CD86: variants seen among roughly 807,000 people sequenced by gnomAD.
CD86 encodes CD86 molecule, also known as T-lymphocyte activation antigen CD86.
In CD86, 11 loss-of-function variants were observed where a neutral mutation model predicts 32.1. The ratio of observed to expected loss-of-function variants is 0.34; its 90% CI spans 0.22 to 0.57. The LOEUF (loss-of-function observed/expected upper bound fraction) is 0.57. Ranked by LOEUF, CD86 falls within the 20% of genes least tolerant of loss-of-function variation. The pLI, the probability that CD86 is intolerant of heterozygous loss-of-function variation, is 0.86. For missense variants in CD86, 359 were observed against 398.4 expected (o/e 0.90, Z 0.84); for synonymous variants, 137 against 135.3 (o/e 1.01, Z -0.09).
Position 122,109,645 on chromosome 3 carries a change from T to C in CD86, c.847+237T>C, listed in dbSNP as rs540580448. On this transcript the variant is annotated intron_variant, in intron 5 of 6. Coordinates refer to ENST00000330540, the MANE Select transcript of CD86 (RefSeq NM_175862.5). ...AACCTCTGGTTTACAAATGTACTTC[T>C]GGTTTCCAGGGAAAACTGATTATTA... is the stretch of plus-strand genomic sequence containing the variant. Among the ~76,000 whole-genome samples the C allele has an allele frequency of 1.9e-4, 29 of 152,384 alleles. No homozygotes were observed. The East Asian group carries it at 1.9e-3, about 10-fold the overall frequency.
chr3:122,093,146 ATTTATTTAT>A (rs1559906947), intron 2 of CD86, among the ~76,000 whole-genome samples: 1 of 151,928 alleles, frequency 6.6e-6, no homozygotes, highest in African/African-American at 2.4e-5. Context: ...CCCACTTCTT[ATTTATTTAT>A]TTTATTTATT....
intron 1 of CD86, among the ~76,000 whole-genome samples, chr3:122,078,799 T>A (rs2072589681): frequency 6.6e-6 from 1 of 152,252 alleles, no homozygotes; most frequent in African/African-American, 2.4e-5. Flanking sequence ...GGGAACTTCC[T>A]ACTCCCCTTA....
chr3:122,086,602 C>A (rs1168351910), intron 1 of CD86: 1 of 481,376 alleles, frequency 2.1e-6, no homozygotes, highest in South Asian at 1.5e-5. Flanking sequence ...CGCTGGGAAG[C>A]TGGTGCCTGT....
chr3:122,063,908 T>C (rs188340522), intron 1 of CD86, among the ~76,000 whole-genome samples: 5 of 152,298 alleles, frequency 3.3e-5, no homozygotes, highest in Admixed American at 6.5e-5. Flanking sequence ...GGTGTTTTAA[T>C]TGAGAATATA....
chr3:122,108,656 G>A (rs148799928), intron 4 of CD86, among the ~76,000 whole-genome samples: 3 of 152,166 alleles, frequency 2.0e-5, no homozygotes, highest in South Asian at 2.1e-4. Flanking sequence ...AGGCGTGAAG[G>A]TTCCTCAAGG....
At chr3:122,108,282 G>C (rs1296364928) in intron 4 of CD86, among the ~76,000 whole-genome samples, 2 of 152,216 alleles carry the variant, frequency 1.3e-5, no homozygotes, top group African/African-American at 4.8e-5. Context: ...CCTGAGTCAA[G>C]GGGCCTTTTT....
intron 2 of CD86, among the ~76,000 whole-genome samples, chr3:122,093,554 T>C (rs1198905695): frequency 1.3e-5 from 2 of 152,186 alleles, no homozygotes; most frequent in African/African-American, 4.8e-5. Context: ...ATACTGTAGG[T>C]GTTGTAACAC....
intron 1 of CD86, among the ~76,000 whole-genome samples, chr3:122,075,550 C>T (rs899484724): frequency 6.6e-6 from 1 of 152,074 alleles, no homozygotes; most frequent in African/African-American, 2.4e-5. Context: ...AGTGAATTTC[C>T]CAACCTGACA....
chr3:122,118,530 C>T (rs2681400), intron 6 of CD86, among the ~76,000 whole-genome samples: 42,355 of 152,092 alleles, frequency 0.28, 6,447 homozygotes, highest in East Asian at 0.59. Flanking sequence ...TGTTCTTCTG[C>T]CACTTCTTTA....
chr3:122,111,041 G>T (rs1402566480), intron 5 of CD86, among the ~76,000 whole-genome samples: 2 of 152,154 alleles, frequency 1.3e-5, no homozygotes, highest in African/African-American at 2.4e-5. Flanking sequence ...GAAGTTAGAA[G>T]GTGGTTAAAT....
intron 1 of CD86, among the ~76,000 whole-genome samples, chr3:122,058,598 A>C (rs891174391): frequency 1.3e-5 from 2 of 152,176 alleles, no homozygotes; most frequent in Non-Finnish European, 2.9e-5. Context: ...TTTTAAGTAT[A>C]GCTTTGAGAA....
intron 5 of CD86, among the ~76,000 whole-genome samples, chr3:122,117,539 A>G (rs1243770627): frequency 1.3e-5 from 2 of 152,262 alleles, no homozygotes; most frequent in South Asian, 4.1e-4. Context: ...GCAAGTCCCT[A>G]TCAATAGCAA....
intron 1 of CD86, among the ~76,000 whole-genome samples, chr3:122,069,701 C>T (rs1170638105): frequency 6.6e-6 from 1 of 152,096 alleles, no homozygotes; most frequent in Non-Finnish European, 1.5e-5. Context: ...TGGCCTTCCT[C>T]CAGAGATGGA....
rs749399124 is a variant in CD86, at chr3:122,106,179, A to T, written c.401-19A>T. On this transcript the variant is annotated intron_variant, in intron 3 of 6. Transcript: ENST00000330540. Reference sequence around the variant, plus strand: ...TCTAAACTTAGATTGATTTTTTTTTATCTCTCTTCTGCTTTCAGCTAACTT... The same window carrying T: ...TCTAAACTTAGATTGATTTTTTTTTTTCTCTCTTCTGCTTTCAGCTAACTT... The T allele has an allele frequency of 1.0e-5, 16 of 1,542,262 alleles. No individual in the cohort carries two copies. The highest frequency in any genetic ancestry group is 2.0e-4 in the Middle Eastern group (1 of 4,954).
At chr3:122,091,681 G>A (rs763411836) in intron 2 of CD86, 31 bp downstream of exon 2, 6 of 1,576,034 alleles carry the variant, frequency 3.8e-6, no homozygotes. Flanking sequence ...TTAAGTCCTG[G>A]AATCCTACTG....
chr3:122,114,539 G>A (rs1166671968), intron 5 of CD86, among the ~76,000 whole-genome samples: 1 of 152,118 alleles, frequency 6.6e-6, no homozygotes, highest in African/African-American at 2.4e-5. Flanking sequence ...GAAGGCAGGG[G>A]AGCCCTGATA....
intron 1 of CD86, among the ~76,000 whole-genome samples, chr3:122,076,519 A>C (rs1436338954): frequency 1.3e-5 from 2 of 152,212 alleles, no homozygotes; most frequent in African/African-American, 4.8e-5. Context: ...GAAGGATGAA[A>C]TTTCCAAGGT....
chr3:122,106,870 A>ACACACACACACC (rs1223418441), intron 4 of CD86, among the ~76,000 whole-genome samples: 4 of 151,142 alleles, frequency 2.6e-5, no homozygotes, highest in African/African-American at 4.9e-5. Context: ...ACACACACAC[A>ACACACACACACC]CCATGCATAC....
At chr3:122,096,589 A>G (rs34861031) in intron 2 of CD86, among the ~76,000 whole-genome samples, 17,730 of 152,266 alleles carry the variant, frequency 0.12, 1,141 homozygotes, top group South Asian at 0.21. Flanking sequence ...ATTTGATCCA[A>G]CACTAACTCA....
Sources: allele counts gnomAD v4.1 joint callset (sites outside exome capture counted in the v4.1 genomes callset), GRCh38; gene constraint gnomAD v4.1.1; transcripts MANE v1.5; gene names NCBI Gene and HGNC (gene_info 2026-07-23, HGNC 2026-07-21).